CRADD: variants seen among roughly 807,000 people sequenced by gnomAD.
CRADD encodes death domain-containing protein CRADD.
CRADD carries 9 observed loss-of-function variants against 15.5 expected under a neutral mutation model. The observed-to-expected ratio is 0.58, with a 90% CI of 0.35 to 1.01. The LOEUF (loss-of-function observed/expected upper bound fraction) is 1.01, where lower values mean the gene tolerates loss of function less well. Ranked by LOEUF, CRADD falls within the 50% of genes least tolerant of loss-of-function variation. The pLI is 0.02. For synonymous variants in CRADD, 118 were observed against 107.6 expected, an observed-to-expected ratio of 1.10 and a Z score of -0.60; for missense variants, 227 against 250.3, an observed-to-expected ratio of 0.91 and a Z score of 0.63.
In CRADD at chr12:93,782,095, A is replaced by T. The variant is rs551648820; in HGVS notation, c.299-67875A>T. The stretch of plus-strand genomic sequence containing the variant: ...ATAGCAAAGACTTGGAACCAACCCA[A>T]ATATCCAACAATGATAGACTGGATT... On this transcript the variant is annotated intron_variant, in intron 2 of 2. Transcript: ENST00000332896. Among the ~76,000 whole-genome samples, 813 of 152,182 alleles carry T rather than the reference A, an allele frequency of 5.3e-3. 5 individuals are homozygous for T. The highest frequency in any genetic ancestry group is 0.018 in the African/African-American group (767 of 41,502).
intron 2 of CRADD, among the ~76,000 whole-genome samples, chr12:93,845,831 A>G (rs1958108177): frequency 6.6e-6 from 1 of 152,198 alleles, no homozygotes; most frequent in Non-Finnish European, 1.5e-5. Flanking sequence ...AACCATTTTT[A>G]AATGTACAAT....
chr12:93,816,656 T>C (rs1207724098), intron 2 of CRADD, among the ~76,000 whole-genome samples: 2 of 152,288 alleles, frequency 1.3e-5, no homozygotes, highest in East Asian at 3.9e-4. Context: ...TAGCCACACA[T>C]GTCTAGTGGC....
intron 2 of CRADD, chr12:93,830,950 A>G (rs1957890964): frequency 6.6e-6 from 1 of 152,224 alleles, no homozygotes; most frequent in Non-Finnish European, 1.5e-5. Context: ...GCCTCAATTA[A>G]TATTTGCTAA....
chr12:93,871,206 G>A (rs1456632683), intron 2 of CRADD, among the ~76,000 whole-genome samples: 1 of 152,160 alleles, frequency 6.6e-6, no homozygotes, highest in African/African-American at 2.4e-5. Context: ...AAATGATATA[G>A]TGGGTGTTTC....
chr12:93,692,226 T>C (rs1007724955), intron 2 of CRADD, among the ~76,000 whole-genome samples: 1 of 152,182 alleles, frequency 6.6e-6, no homozygotes, highest in Non-Finnish European at 1.5e-5. Context: ...TCATGGGATT[T>C]ATGAGACAGC....
intron 2 of CRADD, among the ~76,000 whole-genome samples, chr12:93,745,161 G>A (rs899345009): frequency 1.3e-5 from 2 of 152,176 alleles, no homozygotes; most frequent in African/African-American, 4.8e-5. Context: ...AGCTTGTGGT[G>A]ACGGGAGGGC....
At chr12:93,796,736 A>G (rs1036538345) in intron 2 of CRADD, among the ~76,000 whole-genome samples, 15 of 152,030 alleles carry the variant, frequency 9.9e-5, no homozygotes, top group African/African-American at 3.6e-4. Context: ...ATGAGTTTTT[A>G]CCTGAAACCC....
At chr12:93,739,739 G>T (rs1457091174) in intron 2 of CRADD, among the ~76,000 whole-genome samples, 1 of 152,068 alleles carries the variant, frequency 6.6e-6, no homozygotes, top group Admixed American at 6.5e-5. Context: ...TTTTAAAATA[G>T]GAAAAAAATT....
At chr12:93,711,055 C>CCCCT in intron 2 of CRADD, among the ~76,000 whole-genome samples, 117 of 43,508 alleles carry the variant, frequency 2.7e-3, no homozygotes, top group Non-Finnish European at 3.5e-3. Flanking sequence ...CCACCCCCGC[C>CCCCT]TTTTTTTTTT....
At chr12:93,746,287 T>C (rs2136934092) in intron 2 of CRADD, among the ~76,000 whole-genome samples, 1 of 152,308 alleles carries the variant, frequency 6.6e-6, no homozygotes, top group Admixed American at 6.5e-5. Flanking sequence ...GCAATAAAAA[T>C]CATAAAAACA....
At chr12:93,799,974 A>G (rs1957459357) in intron 2 of CRADD, among the ~76,000 whole-genome samples, 2 of 152,214 alleles carry the variant, frequency 1.3e-5, no homozygotes. Flanking sequence ...CATTAACTTA[A>G]CATTTGGGAT....
At chr12:93,860,633 G>T (rs1311982597) in intron 2 of CRADD, among the ~76,000 whole-genome samples, 1 of 152,276 alleles carries the variant, frequency 6.6e-6, no homozygotes. Context: ...CCGTGCTGAG[G>T]CCTGAAAGAA....
chr12:93,778,947 T>A (rs1378047889), intron 2 of CRADD, among the ~76,000 whole-genome samples: 1 of 152,192 alleles, frequency 6.6e-6, no homozygotes, highest in Non-Finnish European at 1.5e-5. Context: ...AAATTGTGAC[T>A]GTGAACTGCC....
At chr12:93,725,367 C>A (rs1956341004) in intron 2 of CRADD, among the ~76,000 whole-genome samples, 2 of 152,112 alleles carry the variant, frequency 1.3e-5, no homozygotes, top group South Asian at 4.1e-4. Flanking sequence ...TGCATATACT[C>A]CCTAGATATA....
intron 2 of CRADD, among the ~76,000 whole-genome samples, chr12:93,737,072 G>T (rs1399931148): frequency 6.6e-6 from 1 of 152,206 alleles, no homozygotes; most frequent in East Asian, 1.9e-4. Flanking sequence ...ATGACTACTG[G>T]TCTGGGATAG....
chr12:93,741,343 T>C (rs1414178004), intron 2 of CRADD, among the ~76,000 whole-genome samples: 2 of 152,238 alleles, frequency 1.3e-5, no homozygotes, highest in East Asian at 3.8e-4. Flanking sequence ...AAGCATAGAA[T>C]CCTTTTAAGA....
In CRADD at chr12:93,679,176, C is replaced by G; in HGVS notation, c.298+104C>G. On this transcript the variant is annotated intron_variant, in intron 2 of 2. Transcript: ENST00000332896. ...TTTGTTTTTGAGACAGAGTCTTGCT[C>G]TGTTGCCCAGGCTGGAGTGCAATGG... 3 of 935,364 alleles carry G rather than the reference C, an allele frequency of 3.2e-6. No homozygotes were observed. The South Asian group carries it at 5.0e-5, about 16-fold the overall frequency. 57.9% of individuals were successfully genotyped at this position (935,364 alleles called of 1,614,324 possible).
At chr12:93,708,387 T>A (rs1955995686) in intron 2 of CRADD, 1 of 152,340 alleles carries the variant, frequency 6.6e-6, no homozygotes, top group East Asian at 1.9e-4. Context: ...GGCCATTACC[T>A]ACAAGTCCCT....
chr12:93,752,886 C>T (rs564913459), intron 2 of CRADD, among the ~76,000 whole-genome samples: 3 of 152,242 alleles, frequency 2.0e-5, no homozygotes, highest in Admixed American at 6.5e-5. Flanking sequence ...CAATCACAGT[C>T]GAAGGTGAAA....
Sources: gnomAD v4.1 joint callset for allele counts (sites outside exome capture counted in the v4.1 genomes callset) on GRCh38, gnomAD v4.1.1 for gene constraint, MANE v1.5 for transcripts, NCBI Gene and HGNC (gene_info 2026-07-23, HGNC 2026-07-21) for gene names.